SIPA1L1: variants seen among roughly 807,000 people sequenced by gnomAD.
SIPA1L1 encodes the protein signal induced proliferation associated 1 like 1.
In SIPA1L1, 26 loss-of-function variants were observed where a neutral mutation model predicts 162.7. The ratio of observed to expected loss-of-function variants is 0.16; its 90% CI spans 0.12 to 0.22. The LOEUF is 0.22. Ranked by LOEUF, SIPA1L1 falls within the 10% of genes least tolerant of loss-of-function variation. SIPA1L1 has a pLI of 1.00. For synonymous variants in SIPA1L1, 829 were observed against 837.4 expected (o/e 0.99, Z 0.17); for missense variants, 1,874 against 2,241.0 (o/e 0.84, Z 3.31).
intron 2 of SIPA1L1, among the ~76,000 whole-genome samples, chr14:71,426,482 CTTTCTT>C (rs969409604): frequency 1.6e-5 from 2 of 127,572 alleles, no homozygotes; most frequent in Non-Finnish European, 3.4e-5. Flanking sequence ...ATTTGAATTT[CTTTCTT>C]TTTTTTTTTT....
At chr14:71,712,502 C>A (rs968031853) in intron 17 of SIPA1L1, among the ~76,000 whole-genome samples, 1 of 151,630 alleles carries the variant, frequency 6.6e-6, no homozygotes, top group African/African-American at 2.4e-5. Flanking sequence ...GGCTGTTTCA[C>A]TTTCAGATCT....
chr14:71,737,666 A>T (rs1235122811), intron 22 of SIPA1L1, among the ~76,000 whole-genome samples: 1 of 152,214 alleles, frequency 6.6e-6, no homozygotes, highest in Non-Finnish European at 1.5e-5. Flanking sequence ...TGGTTTTTTG[A>T]TCAGACTGGG....
intron 7 of SIPA1L1, among the ~76,000 whole-genome samples, chr14:71,634,665 G>C (rs1188849153): frequency 6.6e-6 from 1 of 152,044 alleles, no homozygotes; most frequent in African/African-American, 2.4e-5. Context: ...GGCCGGGCGC[G>C]GTGGCTCACG....
chr14:71,644,209 C>G (rs1019579474), intron 7 of SIPA1L1, among the ~76,000 whole-genome samples: 2 of 151,984 alleles, frequency 1.3e-5, no homozygotes, highest in Middle Eastern at 6.8e-3. Flanking sequence ...CTTTCATGCA[C>G]TTTGAATGAA....
rs2147742956 is a variant in SIPA1L1 at position 71,592,194 on chromosome 14, G to T, written c.1498+2824G>T. ...TCAGTGGAAGTCAGTTACACAGAGT[G>T]GTTACTGTAAGAGCTTTTCTTGGGC... On this transcript the variant is annotated intron_variant, in intron 5 of 23. Transcript: ENST00000381232. Among the ~76,000 whole-genome samples the T allele has an allele frequency of 2.0e-5, 3 of 152,218 alleles. 1 individual carries two copies. In the Middle Eastern group the frequency reaches 0.01, roughly 518 times the overall value.
At chr14:71,516,653 G>A (rs1220445575) in intron 3 of SIPA1L1, among the ~76,000 whole-genome samples, 1 of 151,968 alleles carries the variant, frequency 6.6e-6, no homozygotes, top group Admixed American at 6.6e-5. Context: ...GATTATAAGT[G>A]TGAGACTTAC....
chr14:71,523,437 C>T (rs2052558259), intron 3 of SIPA1L1, among the ~76,000 whole-genome samples: 1 of 151,592 alleles, frequency 6.6e-6, no homozygotes, highest in Non-Finnish European at 1.5e-5. Flanking sequence ...TACCCTTTGC[C>T]CACCTTTCCC....
At chr14:71,526,540 G>A (rs2052892068) in intron 3 of SIPA1L1, among the ~76,000 whole-genome samples, 1 of 152,174 alleles carries the variant, frequency 6.6e-6, no homozygotes, top group Admixed American at 6.5e-5. Flanking sequence ...ATTCATTGCT[G>A]TGTAGCAGGC....
intron 20 of SIPA1L1, 117 bp from the exon 21 acceptor site, chr14:71,733,549 G>A (rs577135564): frequency 9.6e-7 from 1 of 1,044,522 alleles, no homozygotes; most frequent in East Asian, 2.4e-5. Context: ...TGCTAACCTG[G>A]ACATTGATAA....
intron 4 of SIPA1L1, among the ~76,000 whole-genome samples, chr14:71,537,928 A>T (rs1332058477): frequency 6.6e-6 from 1 of 152,168 alleles, no homozygotes; most frequent in Non-Finnish European, 1.5e-5. Flanking sequence ...CCATTTTCTC[A>T]TCAGGGTCTG....
intron 2 of SIPA1L1, among the ~76,000 whole-genome samples, chr14:71,425,259 TCTA>T (rs1315675546): frequency 3.3e-5 from 5 of 152,146 alleles, no homozygotes. Flanking sequence ...TTAGTTTATC[TCTA>T]CTCCTTCTTT....
intron 15 of SIPA1L1, chr14:71,705,009 G>C: frequency 3.3e-6 from 2 of 610,870 alleles, no homozygotes; most frequent in Non-Finnish European, 5.8e-6. Context: ...TGTGTATGAC[G>C]TGACAAGTTG....
Position 71,536,885 on chromosome 14 carries a change from C to T in SIPA1L1, c.-303+7515C>T, listed in dbSNP as rs1002707920. ...TTAGCATTTAAATACCTGAAGGAAG[C>T]GATACGCAAATTTTAACTTGTTAAA... On this transcript the variant is annotated intron_variant, in intron 4 of 23. Coordinates refer to ENST00000381232, the MANE Select transcript of SIPA1L1 (RefSeq NM_001386936.1). Among the ~76,000 whole-genome samples the T allele has an allele frequency of 5.3e-5, 8 of 152,160 alleles. No homozygotes were observed. The East Asian group carries it at 5.8e-4, about 11-fold the overall frequency.
chr14:71,555,318 C>T (rs970922801), intron 4 of SIPA1L1, among the ~76,000 whole-genome samples: 2 of 152,212 alleles, frequency 1.3e-5, no homozygotes, highest in Non-Finnish European at 2.9e-5. Flanking sequence ...GTTATGGAGA[C>T]AGCTTCCTTC....
intron 7 of SIPA1L1, 118 bp downstream of exon 7, chr14:71,624,354 A>C (rs1310155169): frequency 2.3e-6 from 2 of 852,948 alleles, no homozygotes; most frequent in African/African-American, 3.4e-5. Flanking sequence ...ATTGTGAAAG[A>C]CACTCTCTTT....
intron 2 of SIPA1L1, among the ~76,000 whole-genome samples, chr14:71,452,447 A>G (rs1478203673): frequency 6.6e-6 from 1 of 152,072 alleles, no homozygotes; most frequent in Non-Finnish European, 1.5e-5. Flanking sequence ...TGTTTTGCAG[A>G]TTTTGACCAT....
At chr14:71,381,517 TAG>T (rs1275530368) in intron 2 of SIPA1L1, among the ~76,000 whole-genome samples, 1 of 152,168 alleles carries the variant, frequency 6.6e-6, no homozygotes, top group Non-Finnish European at 1.5e-5. Context: ...AAATGGAAAA[TAG>T]AGTTATATAA....
rs1481921229 is a variant in SIPA1L1, at chr14:71,377,407, C to T, written c.-465+56226C>T. 6.6e-6 allele frequency among the ~76,000 whole-genome samples: 1 copy of T among 151,976 alleles called. No individual in the cohort carries two copies. The highest frequency in any genetic ancestry group is 2.4e-5 in the African/African-American group (1 of 41,386). ...CGCGGCCGGGCAGAGGCACTCCTCACCTCCCAGACAGGGTGGCAGCCGGGT... is the reference window on the plus strand; with the variant it reads ...CGCGGCCGGGCAGAGGCACTCCTCATCTCCCAGACAGGGTGGCAGCCGGGT... On this transcript the variant is annotated intron_variant, in intron 2 of 23. Transcript: ENST00000381232. The surrounding 1 kb of genome is among the most constrained non-coding windows in gnomAD (Gnocchi z 4.8).
At chr14:71,594,492 A>G (rs1285277158) in intron 5 of SIPA1L1, among the ~76,000 whole-genome samples, 1 of 152,204 alleles carries the variant, frequency 6.6e-6, no homozygotes, top group Non-Finnish European at 1.5e-5. Flanking sequence ...GTACCATAGA[A>G]TGCCTTACAA....
Sources: gnomAD v4.1 joint callset for allele counts (sites outside exome capture counted in the v4.1 genomes callset) on GRCh38, gnomAD v4.1.1 for gene constraint, Gnocchi (gnomAD v3.1) non-coding constraint, MANE v1.5 for transcripts, NCBI Gene and HGNC (gene_info 2026-07-23, HGNC 2026-07-21) for gene names.